The following RASGRP1 variants were observed in gnomAD, a reference collection of about 807,000 sequenced individuals.
RASGRP1 encodes the protein RAS guanyl-releasing protein 1.
In RASGRP1, 37 loss-of-function variants were observed where a neutral mutation model predicts 95.1. The observed-to-expected ratio is 0.39, with a 90% CI of 0.30 to 0.51. RASGRP1 has a LOEUF of 0.51. RASGRP1 is among the 20% of genes least tolerant of loss of function. RASGRP1 has a pLI of 0.80. For synonymous variants in RASGRP1, 325 were observed against 353.4 expected, an observed-to-expected ratio of 0.92 and a Z score of 0.90; for missense variants, 711 against 965.4, an observed-to-expected ratio of 0.74 and a Z score of 3.49.
Position 38,494,440 on chromosome 15 carries a change from A to G in RASGRP1, c.2201T>C (p.Ile734Thr). Residue 734 changes from isoleucine (I) to threonine (T), a missense_variant, in exon 16 of 17, where the codon ATA becomes ACA. By Grantham distance (89) the Ile-to-Thr change is moderately conservative. Around this residue, in one of 3 missense-constraint regions of RASGRP1, gnomAD observed 212 missense variants for 247.8 expected, o/e 0.86. Coordinates refer to ENST00000310803, the MANE Select transcript of RASGRP1 (RefSeq NM_005739.4). The part of the protein sequence containing the change: ...FVKWENKDSL[I>T]KSKEELRHLR... ...GTGACGGAGCTCCTCCTTTGATTTT[A>G]TGAGGGAGTCTTTATTCTCCCACTT... 5 of 1,613,668 alleles carry G rather than the reference A, an allele frequency of 3.1e-6. No individual in the cohort carries two copies. Among genetic ancestry groups the G allele is most frequent in the Non-Finnish European group, 4.2e-6 (5 of 1,179,774 alleles).
In RASGRP1 at chr15:38,559,851, C is replaced by T. The variant is rs768175330; in HGVS notation, c.190G>A (p.Asp64Asn). The T allele has an allele frequency of 1.7e-5, 27 of 1,613,962 alleles. No individual in the cohort carries two copies. The Admixed American group carries it at 1.8e-4, about 11-fold the overall frequency. Residue 64 changes from aspartate to asparagine, a missense_variant, in exon 2 of 17, where the codon GAT becomes AAT. This residue lies in a region of RASGRP1 where 491 missense variants were observed against 676.6 expected (regional missense o/e 0.73). Coordinates refer to ENST00000310803, the MANE Select transcript of RASGRP1 (RefSeq NM_005739.4). ...GATTGAATGCAGCTGTCAATGAGAT[C>T]GTCCAGGCTGGCTCCTTTGGCTAAA... is the stretch of plus-strand genomic sequence containing the variant. The part of the protein sequence containing the change: ...GHLAKGASLD[D>N]LIDSCIQSFD...
At chr15:38,497,389 A>G (rs1206908471) in intron 15 of RASGRP1, among the ~76,000 whole-genome samples, 1 of 139,868 alleles carries the variant, frequency 7.1e-6, no homozygotes, top group Non-Finnish European at 1.6e-5. Flanking sequence ...TCGCCTTAAC[A>G]CCTTTTTTTT....
chr15:38,488,601 T>C lies in RASGRP1; in HGVS notation c.*1953A>G, dbSNP rs1890446750. The C allele has an allele frequency of 6.6e-6, 1 of 152,016 alleles. No homozygotes were observed. Among genetic ancestry groups the C allele is most frequent in the African/African-American group, 2.4e-5 (1 of 41,422 alleles). The allele number at this position is 152,016 out of a possible 1,614,324, so 9.4% of individuals were successfully genotyped here. A position where few individuals can be genotyped will look rare whatever the true frequency, so the allele number is the denominator to read the frequency against. Reference sequence around the variant, plus strand: ...CTAATTTGACTAATTAAGTGGACTGTGACACCTTTTGAATCCCTATAGATT... The same window carrying C: ...CTAATTTGACTAATTAAGTGGACTGCGACACCTTTTGAATCCCTATAGATT... On this transcript the variant is annotated 3_prime_UTR_variant, in exon 17 of 17. Transcript: ENST00000310803.
At chr15:38,535,500 G>C (rs1479547378) in intron 2 of RASGRP1, among the ~76,000 whole-genome samples, 1 of 152,006 alleles carries the variant, frequency 6.6e-6, no homozygotes, top group Non-Finnish European at 1.5e-5. Context: ...AGCTATTATT[G>C]GCACCATTTA....
At chr15:38,498,707 A>C in intron 15 of RASGRP1, 87 bp downstream of exon 15, 1 of 1,497,786 alleles carries the variant, frequency 6.7e-7, no homozygotes. Flanking sequence ...AAACTCAAAC[A>C]CAGAGTCATG....
chr15:38,498,775 G>A lies in RASGRP1; in HGVS notation c.1873+19C>T, dbSNP rs776886227. On this transcript the variant is annotated intron_variant, in intron 15 of 16. Coordinates refer to ENST00000310803, the MANE Select transcript of RASGRP1 (RefSeq NM_005739.4). ...TCCTACTTCACTTTCCAAGATGAAT[G>A]TTCCCAGTGCCTACTTACCATGGAG... is the stretch of plus-strand genomic sequence containing the variant. 7 of 1,605,736 alleles carry A rather than the reference G, an allele frequency of 4.4e-6. No individual in the cohort carries two copies. The East Asian group carries it at 1.3e-4, about 31-fold the overall frequency.
At chr15:38,528,830 C>T (rs1892332879) in intron 2 of RASGRP1, among the ~76,000 whole-genome samples, 1 of 152,142 alleles carries the variant, frequency 6.6e-6, no homozygotes, top group African/African-American at 2.4e-5. Context: ...CTTCGCTACC[C>T]AATTAGTATG....
intron 5 of RASGRP1, 53 bp from the exon 6 acceptor site, chr15:38,516,403 T>C: frequency 6.5e-7 from 1 of 1,546,014 alleles, no homozygotes; most frequent in Non-Finnish European, 8.9e-7. Flanking sequence ...ATAAATCGCT[T>C]TTTGCAAGTA....
intron 2 of RASGRP1, among the ~76,000 whole-genome samples, chr15:38,542,906 C>T (rs12595621): frequency 1.1e-3 from 133 of 125,104 alleles, no homozygotes; most frequent in South Asian, 5.7e-3. Context: ...TATATATATA[C>T]ACATATATAT....
intron 2 of RASGRP1, among the ~76,000 whole-genome samples, chr15:38,538,857 C>A (rs1892758700): frequency 6.6e-6 from 1 of 152,142 alleles, no homozygotes; most frequent in Non-Finnish European, 1.5e-5. Flanking sequence ...GAACTGAGTT[C>A]ACACCACGGA....
At chr15:38,503,067 G>A in intron 11 of RASGRP1, 2 of 582,768 alleles carry the variant, frequency 3.4e-6, no homozygotes, top group East Asian at 2.8e-5. Context: ...TCTTGAAGAG[G>A]AGGCACAACT....
rs770742443 is a variant in RASGRP1 at position 38,559,967 on chromosome 15, C to G, written c.74G>C (p.Arg25Thr). 4 of 1,613,232 alleles carry G rather than the reference C, an allele frequency of 2.5e-6. No homozygotes were observed. Among genetic ancestry groups the G allele is most frequent in the Non-Finnish European group, 8.5e-7 (1 of 1,179,676 alleles). Residue 25 changes from arginine (R) to threonine (T), a missense_variant, in exon 2 of 17, where the codon AGA (arginine) becomes ACA (threonine). Physicochemically the swap from Arg to Thr is moderately conservative, Grantham distance 71 (BLOSUM62 -1). Transcript: ENST00000310803. ...GCTGTTGGCTGGCTTTGCCTCTAGT[C>G]TTGCTTTAGAGGCAGCTCTGCAGCC... ...SHGCRAASKARLEAKPANSPF... is the reference protein window; with the variant it reads ...SHGCRAASKATLEAKPANSPF...
chr15:38,515,359 T>C (rs1891717046), intron 6 of RASGRP1, among the ~76,000 whole-genome samples: 1 of 152,220 alleles, frequency 6.6e-6, no homozygotes, highest in Admixed American at 6.5e-5. Context: ...AGACTGTATC[T>C]GTTGGTAGGG....
chr15:38,561,848 G>A (rs528390109), intron 1 of RASGRP1, among the ~76,000 whole-genome samples: 3 of 152,290 alleles, frequency 2.0e-5, no homozygotes, highest in East Asian at 1.9e-4. Context: ...TTTCAAACAG[G>A]CCCTGTGATA....
chr15:38,498,342 GAT>G (rs1334173939), intron 15 of RASGRP1, among the ~76,000 whole-genome samples: 1 of 152,130 alleles, frequency 6.6e-6, no homozygotes, highest in Non-Finnish European at 1.5e-5. Context: ...GTAACCTTGA[GAT>G]ATCTGTTTTT....
intron 2 of RASGRP1, among the ~76,000 whole-genome samples, chr15:38,535,005 TTC>T (rs1326762191): frequency 6.6e-6 from 1 of 152,198 alleles, no homozygotes; most frequent in Non-Finnish European, 1.5e-5. Context: ...AACCACACTA[TTC>T]TCTCTGGGTG....
intron 2 of RASGRP1, among the ~76,000 whole-genome samples, chr15:38,555,855 G>A (rs1893534381): frequency 6.6e-6 from 1 of 152,142 alleles, no homozygotes; most frequent in Admixed American, 6.5e-5. Flanking sequence ...GCTTGCTGGG[G>A]TGGAGTTGTG....
intron 16 of RASGRP1, among the ~76,000 whole-genome samples, chr15:38,491,453 C>T (rs1045969061): frequency 2.0e-5 from 3 of 152,124 alleles, no homozygotes; most frequent in Non-Finnish European, 4.4e-5. Context: ...AGGTTGTATA[C>T]CTCAATCTTA....
At chr15:38,517,253 T>A (rs970365573) in intron 5 of RASGRP1, among the ~76,000 whole-genome samples, 1 of 152,164 alleles carries the variant, frequency 6.6e-6, no homozygotes, top group Non-Finnish European at 1.5e-5. Context: ...TAATAATTCC[T>A]ACAGAATATA....
Sources: allele counts gnomAD v4.1 joint callset (sites outside exome capture counted in the v4.1 genomes callset), GRCh38; gene constraint gnomAD v4.1.1; regional missense constraint gnomAD v4.1.1; transcripts MANE v1.5; gene names NCBI Gene and HGNC (gene_info 2026-07-23, HGNC 2026-07-21).